PPP2R5E: variants seen among roughly 807,000 people sequenced by gnomAD.
PPP2R5E encodes serine/threonine-protein phosphatase 2A 56 kDa regulatory subunit epsilon isoform.
PPP2R5E carries 4 observed loss-of-function variants against 65.3 expected under a neutral mutation model. The ratio of observed to expected loss-of-function variants is 0.06; its 90% CI spans 0.03 to 0.14. PPP2R5E has a LOEUF of 0.14. Ranked by LOEUF, PPP2R5E falls within the 10% of genes least tolerant of loss-of-function variation. The probability of loss-of-function intolerance (pLI) is 1.00; values close to 1 mark genes in which losing one functional copy is unlikely to be tolerated. For missense variants in PPP2R5E, 274 were observed against 556.1 expected, an observed-to-expected ratio of 0.49 and a Z score of 5.10; for synonymous variants, 183 against 187.4, an observed-to-expected ratio of 0.98 and a Z score of 0.19.
intron 5 of PPP2R5E, among the ~76,000 whole-genome samples, chr14:63,399,369 T>C (rs888916242): frequency 5.4e-5 from 4 of 73,926 alleles, no homozygotes; most frequent in Admixed American, 1.3e-4. Flanking sequence ...TTTCTTTCTT[T>C]TTTTTTTTTT....
intron 2 of PPP2R5E, among the ~76,000 whole-genome samples, chr14:63,482,519 T>C (rs1215529900): frequency 6.6e-6 from 1 of 152,138 alleles, no homozygotes; most frequent in East Asian, 1.9e-4. Flanking sequence ...TTAGCCTCTA[T>C]TTAGATGGTA....
At chr14:63,519,466 G>A (rs756630963) in intron 2 of PPP2R5E, among the ~76,000 whole-genome samples, 4 of 150,090 alleles carry the variant, frequency 2.7e-5, no homozygotes, top group African/African-American at 4.9e-5. Context: ...TTCTCCCCCC[G>A]AGTAGCTGCG....
Position 63,430,410 on chromosome 14 carries a change from C to A in PPP2R5E, c.355-8316G>T, listed in dbSNP as rs1052675219. ...ACATACATACATACATGCATACATA[C>A]ATACATACATGCATACATACATATT... On this transcript the variant is annotated intron_variant, in intron 3 of 13. Coordinates refer to ENST00000337537, the MANE Select transcript of PPP2R5E (RefSeq NM_006246.5). 1.6e-4 allele frequency among the ~76,000 whole-genome samples: 24 copies of A among 151,062 alleles called. 1 individual carries two copies. The highest frequency in any genetic ancestry group is 1.5e-3 in the Admixed American group (23 of 15,166).
At chr14:63,518,048 T>C (rs932391232) in intron 2 of PPP2R5E, among the ~76,000 whole-genome samples, 3 of 152,170 alleles carry the variant, frequency 2.0e-5, no homozygotes, top group Non-Finnish European at 2.9e-5. Flanking sequence ...ATAGAACATA[T>C]AGCTGAGCCT....
At chr14:63,538,307 C>T (rs1435958723) in intron 2 of PPP2R5E, among the ~76,000 whole-genome samples, 1 of 149,842 alleles carries the variant, frequency 6.7e-6, no homozygotes, top group Non-Finnish European at 1.5e-5. Context: ...GTCACCCAGG[C>T]TAGAATGCAA....
In PPP2R5E at chr14:63,433,147, C is replaced by T. The variant is rs113944579; in HGVS notation, c.355-11053G>A. 4.0e-3 allele frequency among the ~76,000 whole-genome samples: 600 copies of T among 150,480 alleles called. 7 individuals carry two copies. Among genetic ancestry groups the T allele is most frequent in the South Asian group, 6.6e-3 (31 of 4,698 alleles). On this transcript the variant is annotated intron_variant, in intron 3 of 13. Coordinates refer to ENST00000337537, the MANE Select transcript of PPP2R5E (RefSeq NM_006246.5). ...CAACCTCCTGGACACAAGTGATCCT[C>T]CCACCTCAGCCCCGCAAGTAGCTGG...
At chr14:63,453,920 A>T (rs1281578977) in intron 2 of PPP2R5E, 35 bp from the exon 3 acceptor site, 1 of 1,387,176 alleles carries the variant, frequency 7.2e-7, no homozygotes, top group Non-Finnish European at 9.5e-7. Flanking sequence ...TAAGTCTGTC[A>T]TCAATTTCCA....
intron 3 of PPP2R5E, among the ~76,000 whole-genome samples, chr14:63,441,135 T>C (rs182769850): frequency 6.6e-6 from 1 of 152,298 alleles, no homozygotes; most frequent in East Asian, 1.9e-4. Context: ...GAAGATTGAA[T>C]TAACTCATAT....
chr14:63,535,412 A>G (rs1380616952), intron 2 of PPP2R5E, among the ~76,000 whole-genome samples: 1 of 151,020 alleles, frequency 6.6e-6, no homozygotes, highest in Non-Finnish European at 1.5e-5. Context: ...CAAGAGCAAA[A>G]CTCCATCTCA....
chr14:63,440,416 CA>C (rs74901952), intron 3 of PPP2R5E, among the ~76,000 whole-genome samples: 45,855 of 132,800 alleles, frequency 0.35, 8,213 homozygotes, highest in African/African-American at 0.55. Flanking sequence ...TGTTCTTAAG[CA>C]AAAAAAAAAA....
intron 2 of PPP2R5E, among the ~76,000 whole-genome samples, chr14:63,466,287 C>A (rs59437238): frequency 0.31 from 40,790 of 133,424 alleles, 7,044 homozygotes; most frequent in African/African-American, 0.51. Context: ...AAAAAAAAAA[C>A]AACAACAAGA....
At chr14:63,439,674 G>A (rs1161007959) in intron 3 of PPP2R5E, among the ~76,000 whole-genome samples, 1 of 152,136 alleles carries the variant, frequency 6.6e-6, no homozygotes, top group East Asian at 1.9e-4. Flanking sequence ...GCGCCCAGCC[G>A]GGTTCTGGTC....
At chr14:63,403,599 G>C (rs1291390729) in intron 5 of PPP2R5E, among the ~76,000 whole-genome samples, 3 of 148,974 alleles carry the variant, frequency 2.0e-5, no homozygotes, top group Non-Finnish European at 4.4e-5. Context: ...GTGCCAATTA[G>C]AGCAGGATGA....
chr14:63,510,712 G>GTTT (rs1386847145), intron 2 of PPP2R5E, among the ~76,000 whole-genome samples: 1 of 152,230 alleles, frequency 6.6e-6, no homozygotes, highest in African/African-American at 2.4e-5. Flanking sequence ...GTCAAAGAAA[G>GTTT]AGCCACATCA....
intron 5 of PPP2R5E, among the ~76,000 whole-genome samples, chr14:63,399,634 A>G (rs778364901): frequency 4.6e-5 from 7 of 152,156 alleles, no homozygotes; most frequent in Admixed American, 6.5e-5. Context: ...TTTATGGTGT[A>G]TGAATTACAA....
At chr14:63,433,254 T>A (rs762080558) in intron 3 of PPP2R5E, among the ~76,000 whole-genome samples, 1 of 151,998 alleles carries the variant, frequency 6.6e-6, no homozygotes, top group Non-Finnish European at 1.5e-5. Context: ...CTCAGGCTGA[T>A]CTCAAACTCC....
At position 63,403,348 on chromosome 14, in the gene PPP2R5E, A is replaced by G. The variant is rs568800393; in HGVS notation, c.550-6632T>C. ...AGTTGCAGTGAGCCAAGATCGTGCC[A>G]CTACACTCCAGCCTGGGCGACAAAG... On this transcript the variant is annotated intron_variant, in intron 5 of 13. Coordinates refer to ENST00000337537, the MANE Select transcript of PPP2R5E (RefSeq NM_006246.5). Among the ~76,000 whole-genome samples the G allele has an allele frequency of 1.6e-3, 237 of 146,844 alleles. 2 individuals carry two copies. Among genetic ancestry groups the G allele is most frequent in the Non-Finnish European group, 2.6e-3 (177 of 67,474 alleles).
At chr14:63,465,129 C>T (rs947927046) in intron 2 of PPP2R5E, among the ~76,000 whole-genome samples, 3 of 151,444 alleles carry the variant, frequency 2.0e-5, no homozygotes, top group Admixed American at 1.3e-4. Context: ...AAGTGCTTTC[C>T]ACAAAAAAGT....
chr14:63,452,705 C>G (rs193193737), intron 3 of PPP2R5E: 1 of 152,168 alleles, frequency 6.6e-6, no homozygotes, highest in Non-Finnish European at 1.5e-5. Flanking sequence ...CACAGTCTCA[C>G]GCTGAGATCA....
Sources: gnomAD v4.1 joint callset for allele counts (sites outside exome capture counted in the v4.1 genomes callset) on GRCh38, gnomAD v4.1.1 for gene constraint, MANE v1.5 for transcripts, NCBI Gene and HGNC (gene_info 2026-07-23, HGNC 2026-07-21) for gene names.